HSD17B11: variants seen among roughly 807,000 people sequenced by gnomAD.
HSD17B11 encodes estradiol 17-beta-dehydrogenase 11.
Under a neutral mutation model 27.8 loss-of-function variants are expected in HSD17B11, and 22 were observed. The ratio of observed to expected loss-of-function variants is 0.79; its 90% CI spans 0.56 to 1.13. The LOEUF is 1.13. HSD17B11 is among the 50% of genes most tolerant of loss of function. The probability of loss-of-function intolerance (pLI) is 0.00; values close to 1 mark genes in which losing one functional copy is unlikely to be tolerated. For synonymous variants in HSD17B11, 117 were observed against 132.8 expected, an observed-to-expected ratio of 0.88 and a Z score of 0.82; for missense variants, 314 against 351.1, an observed-to-expected ratio of 0.89 and a Z score of 0.84.
At position 87,336,986 on chromosome 4, in the gene HSD17B11, C is replaced by T; in HGVS notation, c.*290G>A. ...GGTTATGGTACAAATTTTGCAAAGC[C>T]TTCAGGTGAGCCACAAATAATCTTG... is the stretch of plus-strand genomic sequence containing the variant. On this transcript the variant is annotated 3_prime_UTR_variant, in exon 7 of 7. Transcript: ENST00000358290. 6.9e-6 allele frequency: 2 copies of T among 289,502 alleles called. No homozygotes were observed. The highest frequency in any genetic ancestry group is 1.3e-5 in the Non-Finnish European group (2 of 158,542). The allele number at this position is 289,502 out of a possible 1,614,324, so 17.9% of individuals were successfully genotyped here.
intron 2 of HSD17B11, among the ~76,000 whole-genome samples, chr4:87,378,849 T>TAC (rs1380891639): frequency 3.7e-5 from 1 of 26,838 alleles, no homozygotes; most frequent in Non-Finnish European, 6.4e-5. Context: ...TATATAAATA[T>TAC]ATATATAAAT....
chr4:87,337,507 T>C, intron 6 of HSD17B11, 141 bp from the exon 7 acceptor site: 1 of 584,062 alleles, frequency 1.7e-6, no homozygotes, highest in Non-Finnish European at 3.0e-6. Flanking sequence ...TCTGAGTCAC[T>C]ACTATATATT....
chr4:87,379,749 G>T (rs1720080187), intron 2 of HSD17B11, among the ~76,000 whole-genome samples: 1 of 135,796 alleles, frequency 7.4e-6, no homozygotes. Context: ...GTATACTATA[G>T]TATAATATAG....
chr4:87,355,455 A>T (rs1735366054), intron 5 of HSD17B11, among the ~76,000 whole-genome samples: 1 of 152,188 alleles, frequency 6.6e-6, no homozygotes, highest in Non-Finnish European at 1.5e-5. Flanking sequence ...ATGAGAAAAA[A>T]ATCCCTAAGA....
At chr4:87,339,806 T>C (rs1011113903) in intron 6 of HSD17B11, among the ~76,000 whole-genome samples, 2 of 152,078 alleles carry the variant, frequency 1.3e-5, no homozygotes, top group Non-Finnish European at 2.9e-5. Flanking sequence ...TTTGGGGGAG[T>C]TGGTCTCAGG....
chr4:87,337,606 A>C (rs1201406893), intron 6 of HSD17B11, among the ~76,000 whole-genome samples: 1 of 152,196 alleles, frequency 6.6e-6, no homozygotes, highest in East Asian at 1.9e-4. Flanking sequence ...CAGTTTTTGA[A>C]ACAAAAGATC....
In HSD17B11 at chr4:87,365,644, C is replaced by A. The variant is rs189754770; in HGVS notation, c.557+7065G>T. ...TCCCTTACTTAACCAACGTTTTCAT[C>A]AAAAATAAAAGTTGCTAGAAGTTAG... is the stretch of plus-strand genomic sequence containing the variant. On this transcript the variant is annotated intron_variant, in intron 4 of 6. Transcript: ENST00000358290. 3.5e-4 allele frequency among the ~76,000 whole-genome samples: 53 copies of A among 151,918 alleles called. No individual in the cohort carries two copies. The East Asian group carries it at 0.01, about 29-fold the overall frequency.
At chr4:87,360,036 A>G (rs1186365685) in intron 4 of HSD17B11, among the ~76,000 whole-genome samples, 1 of 152,248 alleles carries the variant, frequency 6.6e-6, no homozygotes, top group Non-Finnish European at 1.5e-5. Context: ...AGATGTAGGC[A>G]TATAAAAATG....
rs1578046554 is a variant in HSD17B11, at chr4:87,380,484, A to AAAAAAAAAAAAAAAAG, written c.318+1770_318+1771insCTTTTTTTTTTTTTTT. On this transcript the variant is annotated intron_variant, in intron 2 of 6. Transcript: ENST00000358290. ...CAAGACTGTCTCAAAAAAAAAAAAA[A>AAAAAAAAAAAAAAAAG]AAAAGAAAAAAGAAAAGAAAAGAGA... Among the ~76,000 whole-genome samples, 16 of 138,636 alleles carry AAAAAAAAAAAAAAAAG rather than the reference A, an allele frequency of 1.2e-4. 1 individual carries two copies. Among genetic ancestry groups the AAAAAAAAAAAAAAAAG allele is most frequent in the South Asian group, 2.2e-4 (1 of 4,544 alleles). 91.0% of individuals were successfully genotyped at this position (138,636 alleles called of 152,430 possible).
intron 5 of HSD17B11, among the ~76,000 whole-genome samples, chr4:87,346,637 G>A (rs1024962269): frequency 4.4e-4 from 67 of 152,140 alleles, no homozygotes; most frequent in African/African-American, 1.4e-3. Flanking sequence ...GCGACAGAGC[G>A]AGACCCTGTC....
chr4:87,367,856 C>G (rs1735637171), intron 4 of HSD17B11, among the ~76,000 whole-genome samples: 1 of 152,204 alleles, frequency 6.6e-6, no homozygotes, highest in Non-Finnish European at 1.5e-5. Context: ...TTGCCCAGTT[C>G]ATGGAAAGCC....
intron 4 of HSD17B11, among the ~76,000 whole-genome samples, chr4:87,361,899 A>T (rs1007764283): frequency 6.6e-6 from 1 of 152,184 alleles, no homozygotes; most frequent in Non-Finnish European, 1.5e-5. Context: ...GCAACCACGA[A>T]GGGACTAAAG....
chr4:87,340,425 TA>T, intron 6 of HSD17B11, 64 bp downstream of exon 6: 1 of 1,028,466 alleles, frequency 9.7e-7, no homozygotes. Flanking sequence ...TAAATGTCAG[TA>T]AAAAATGCAA....
intron 4 of HSD17B11, among the ~76,000 whole-genome samples, chr4:87,366,277 G>A (rs1381002455): frequency 2.0e-5 from 3 of 152,116 alleles, no homozygotes; most frequent in Non-Finnish European, 1.5e-5. Flanking sequence ...AGCACAACAG[G>A]TTTCTCTTAG....
In HSD17B11 at chr4:87,336,554, T is replaced by C. The variant is rs972097358; in HGVS notation, c.*722A>G. The stretch of plus-strand genomic sequence containing the variant: ...AAAAAGATTGCACAATTTATTTTCC[T>C]TTAATTTGAAGGTTGTCATGTTCTG... On this transcript the variant is annotated 3_prime_UTR_variant, in exon 7 of 7. Coordinates refer to ENST00000358290, the MANE Select transcript of HSD17B11 (RefSeq NM_016245.5). 6.6e-6 allele frequency: 1 copy of C among 150,804 alleles called. No homozygotes were observed. Among genetic ancestry groups the C allele is most frequent in the African/African-American group, 2.5e-5 (1 of 40,048 alleles). The allele number at this position is 150,804 out of a possible 1,614,324, so 9.3% of individuals were successfully genotyped here.
intron 2 of HSD17B11, among the ~76,000 whole-genome samples, chr4:87,380,521 A>G (rs1433606458): frequency 1.3e-5 from 2 of 151,304 alleles, no homozygotes; most frequent in Non-Finnish European, 2.9e-5. Flanking sequence ...AAAGAAAAAA[A>G]GTTCTGATAC....
intron 4 of HSD17B11, among the ~76,000 whole-genome samples, chr4:87,358,007 G>C (rs1414556021): frequency 8.3e-6 from 1 of 120,492 alleles, no homozygotes; most frequent in Admixed American, 1.1e-4. Flanking sequence ...TGTCACCCAG[G>C]CTGGAGTGCG....
At position 87,364,871 on chromosome 4, in the gene HSD17B11, T is replaced by C. The variant is rs74287886; in HGVS notation, c.558-7455A>G. On this transcript the variant is annotated intron_variant, in intron 4 of 6. Coordinates refer to ENST00000358290, the MANE Select transcript of HSD17B11 (RefSeq NM_016245.5). ...TCCACTCTGAAACCTGTCATCCAAT[T>C]AAGAAACTGGCAAATGGTGGGGCGA... Among the ~76,000 whole-genome samples the C allele has an allele frequency of 1.3e-3, 192 of 152,312 alleles. 4 individuals carry two copies. The East Asian group carries it at 0.029, about 23-fold the overall frequency.
chr4:87,357,263 C>T lies in HSD17B11; in HGVS notation c.695+16G>A. 2 of 1,608,008 alleles carry T rather than the reference C, an allele frequency of 1.2e-6. No homozygotes were observed. Among genetic ancestry groups the T allele is most frequent in the Non-Finnish European group, 1.7e-6 (2 of 1,178,122 alleles). On this transcript the variant is annotated intron_variant, in intron 5 of 6. Coordinates refer to ENST00000358290, the MANE Select transcript of HSD17B11 (RefSeq NM_016245.5). ...ATAGCAACCACCAATCCTTTTGTCT[C>T]AATTTCTCAACTTACCTTGTACTTG...
Sources: allele counts gnomAD v4.1 joint callset (sites outside exome capture counted in the v4.1 genomes callset), GRCh38; gene constraint gnomAD v4.1.1; transcripts MANE v1.5; gene names NCBI Gene and HGNC (gene_info 2026-07-23, HGNC 2026-07-21).